COL22A1: variants seen among roughly 807,000 people sequenced by gnomAD.
COL22A1 encodes collagen alpha-1(XXII) chain.
A neutral mutation model predicts 248.9 loss-of-function variants in COL22A1; 221 were observed. The ratio of observed to expected loss-of-function variants is 0.89; its 90% CI spans 0.80 to 0.99. The LOEUF (loss-of-function observed/expected upper bound fraction) is 0.99. Ranked by LOEUF, COL22A1 falls within the 50% of genes least tolerant of loss-of-function variation. The pLI, the probability that COL22A1 is intolerant of heterozygous loss-of-function variation, is 0.00. For synonymous variants in COL22A1, 891 were observed against 793.4 expected (o/e 1.12, Z -2.07); for missense variants, 2,240 against 2,179.0 (o/e 1.03, Z -0.56).
chr8:138,821,044 T>G, intron 7 of COL22A1, 92 bp downstream of exon 7: 1 of 1,370,594 alleles, frequency 7.3e-7, no homozygotes, highest in Non-Finnish European at 1.0e-6. Flanking sequence ...ACCTGGTTCA[T>G]GCAGGTGTGG....
At chr8:138,847,724 T>C (rs754465315) in intron 3 of COL22A1, among the ~76,000 whole-genome samples, 5 of 151,768 alleles carry the variant, frequency 3.3e-5, no homozygotes, top group Non-Finnish European at 7.4e-5. Flanking sequence ...TGAAACATAA[T>C]GTTTGGGGGA....
chr8:138,598,709 G>A lies in COL22A1; in HGVS notation c.4365+10C>T, dbSNP rs756466832. On this transcript the variant is annotated intron_variant, in intron 61 of 64. Transcript: ENST00000303045. ...GAGCCCCGAGTCCAAAGCCATATTAGCATCCTTACCCTCAGTCCTGGAAAT... is the reference window on the plus strand; with the variant it reads ...GAGCCCCGAGTCCAAAGCCATATTAACATCCTTACCCTCAGTCCTGGAAAT... 8.1e-6 allele frequency: 13 copies of A among 1,609,114 alleles called. No homozygotes were observed. The South Asian group carries it at 1.4e-4, about 18-fold the overall frequency.
chr8:138,736,381 G>A (rs887844707), intron 23 of COL22A1, among the ~76,000 whole-genome samples: 2 of 151,990 alleles, frequency 1.3e-5, no homozygotes, highest in Non-Finnish European at 2.9e-5. Flanking sequence ...TCCACACTGT[G>A]GTACCCTGTG....
At chr8:138,683,183 G>A (rs1006457409) in intron 39 of COL22A1, among the ~76,000 whole-genome samples, 3 of 152,150 alleles carry the variant, frequency 2.0e-5, no homozygotes, top group Non-Finnish European at 4.4e-5. Flanking sequence ...AGCCACTGGA[G>A]GTCCTGAAAC....
intron 30 of COL22A1, among the ~76,000 whole-genome samples, chr8:138,710,132 T>C (rs1158730970): frequency 1.3e-5 from 2 of 152,224 alleles, no homozygotes; most frequent in Non-Finnish European, 2.9e-5. Flanking sequence ...TGCAGAACAA[T>C]GATGCTGATA....
intron 3 of COL22A1, among the ~76,000 whole-genome samples, chr8:138,877,313 G>A (rs191422567): frequency 2.0e-5 from 3 of 152,266 alleles, no homozygotes; most frequent in East Asian, 1.9e-4. Flanking sequence ...CTGCCCCTTC[G>A]GAGACCCTGC....
intron 63 of COL22A1, among the ~76,000 whole-genome samples, chr8:138,592,075 C>T (rs1478573508): frequency 6.6e-6 from 1 of 152,192 alleles, no homozygotes; most frequent in Admixed American, 6.5e-5. Flanking sequence ...ACACACAGCT[C>T]TACTCTCAAG....
In COL22A1 at chr8:138,780,994, A is replaced by G; in HGVS notation, c.1597-14T>C. The G allele has an allele frequency of 6.3e-7, 1 of 1,583,516 alleles. No homozygotes were observed. ...GCCCAGGGAACCCTAAAGCCAAAAAAAGAGAATAGCAATTAGTAAAGAATA... is the reference window on the plus strand; with the variant it reads ...GCCCAGGGAACCCTAAAGCCAAAAAGAGAGAATAGCAATTAGTAAAGAATA... On this transcript the variant is annotated splice_polypyrimidine_tract_variant and intron_variant, in intron 12 of 64. Coordinates refer to ENST00000303045, the MANE Select transcript of COL22A1 (RefSeq NM_152888.3).
At chr8:138,890,085 A>C (rs1222899567) in intron 1 of COL22A1, among the ~76,000 whole-genome samples, 1 of 152,238 alleles carries the variant, frequency 6.6e-6, no homozygotes. Context: ...CAACATACAA[A>C]AATCAATCAA....
chr8:138,685,193 C>T lies in COL22A1; in HGVS notation c.2967+15G>A, dbSNP rs748975838. 72 of 1,563,942 alleles carry T rather than the reference C, an allele frequency of 4.6e-5. No homozygotes were observed. The Middle Eastern group carries it at 5.0e-4, about 11-fold the overall frequency. On this transcript the variant is annotated intron_variant, in intron 38 of 64. Coordinates refer to ENST00000303045, the MANE Select transcript of COL22A1 (RefSeq NM_152888.3). ...TGGTTTCTACAGGCACTGGGACCCC[C>T]GACCTTCCACTTACCGGCTCTCCAT... is the stretch of plus-strand genomic sequence containing the variant.
At chr8:138,824,399 C>T (rs568469353) in intron 6 of COL22A1, among the ~76,000 whole-genome samples, 2 of 152,188 alleles carry the variant, frequency 1.3e-5, no homozygotes, top group Non-Finnish European at 2.9e-5. Context: ...TAATCTATAA[C>T]CTGATTGTTT....
intron 24 of COL22A1, among the ~76,000 whole-genome samples, chr8:138,725,053 G>A (rs558743336): frequency 1.1e-4 from 16 of 152,308 alleles, no homozygotes; most frequent in African/African-American, 3.8e-4. Flanking sequence ...GCAAATGCTT[G>A]CCCGGGTCCT....
chr8:138,769,546 G>A (rs7843580), intron 16 of COL22A1, among the ~76,000 whole-genome samples: 65,278 of 151,734 alleles, frequency 0.43, 14,396 homozygotes, highest in Admixed American at 0.52. Flanking sequence ...TTGTCCTCCC[G>A]GTGGGGACTC....
In COL22A1 at chr8:138,694,579, G is replaced by A. The variant is rs1220150746; in HGVS notation, c.2647-18C>T. The A allele has an allele frequency of 3.1e-6, 5 of 1,613,576 alleles. No individual in the cohort carries two copies. The South Asian group carries it at 5.5e-5, about 18-fold the overall frequency. ...TGCAGTCCCTGTAAGCACACAAGTT[G>A]CCATGAACCAGCTCATCCTCCTGGT... On this transcript the variant is annotated intron_variant, in intron 33 of 64. Coordinates refer to ENST00000303045, the MANE Select transcript of COL22A1 (RefSeq NM_152888.3).
chr8:138,832,907 A>C lies in COL22A1; in HGVS notation c.845+132T>G, dbSNP rs139899162. The C allele has an allele frequency of 2.7e-3, 1,675 of 616,008 alleles. 29 individuals are homozygous for C. The highest frequency in any genetic ancestry group is 0.019 in the South Asian group (907 of 48,800). The allele number at this position is 616,008 out of a possible 1,614,324, so 38.2% of individuals were successfully genotyped here. ...TCCAGTGGTTCAGCTGCTTCATCGC[A>C]GGGCAACCTTACAAGGCACTGAGAA... On this transcript the variant is annotated intron_variant, in intron 5 of 64. Transcript: ENST00000303045.
intron 27 of COL22A1, among the ~76,000 whole-genome samples, chr8:138,718,580 A>T (rs1829627091): frequency 6.6e-6 from 1 of 152,202 alleles, no homozygotes; most frequent in Non-Finnish European, 1.5e-5. Context: ...GTGGACTTTC[A>T]CAAATCTGCC....
intron 6 of COL22A1, among the ~76,000 whole-genome samples, chr8:138,821,900 C>G (rs1024878796): frequency 6.6e-6 from 1 of 152,182 alleles, no homozygotes; most frequent in Non-Finnish European, 1.5e-5. Flanking sequence ...GAGGATAAAG[C>G]TGGGGCTCCC....
intron 16 of COL22A1, among the ~76,000 whole-genome samples, chr8:138,763,895 C>T (rs568288988): frequency 6.6e-6 from 1 of 152,302 alleles, no homozygotes; most frequent in South Asian, 2.1e-4. Context: ...TCCCTGTACA[C>T]GCACCTCCCC....
At chr8:138,593,446 CCT>C (rs1006886661) in intron 63 of COL22A1, among the ~76,000 whole-genome samples, 1 of 151,772 alleles carries the variant, frequency 6.6e-6, no homozygotes, top group Non-Finnish European at 1.5e-5. Flanking sequence ...TTTAATCCTT[CCT>C]CTCTCTCTCA....
Sources: allele counts gnomAD v4.1 joint callset (sites outside exome capture counted in the v4.1 genomes callset), GRCh38; gene constraint gnomAD v4.1.1; transcripts MANE v1.5; gene names NCBI Gene and HGNC (gene_info 2026-07-23, HGNC 2026-07-21).